AP3S1: variants seen among roughly 807,000 people sequenced by gnomAD.
The protein encoded by AP3S1 is AP-3 complex subunit sigma-1.
In AP3S1, 12 loss-of-function variants were observed where a neutral mutation model predicts 21.3. The observed-to-expected ratio is 0.56, with a 90% CI of 0.36 to 0.91. AP3S1 has a LOEUF of 0.91. Among genes scored for constraint, AP3S1 ranks in the 40% least tolerant of loss-of-function variants. AP3S1 has a pLI of 0.01. For synonymous variants in AP3S1, 48 were observed against 78.4 expected (o/e 0.61, Z 2.05); for missense variants, 116 against 225.0 (o/e 0.52, Z 3.10).
At chr5:115,881,609 A>C (rs532853880) in intron 3 of AP3S1, among the ~76,000 whole-genome samples, 1 of 152,156 alleles carries the variant, frequency 6.6e-6, no homozygotes, top group African/African-American at 2.4e-5. Context: ...GGGTAACCCA[A>C]CCTTTCTCTC....
At chr5:115,849,155 C>A (rs1418873598) in intron 1 of AP3S1, among the ~76,000 whole-genome samples, 2 of 152,134 alleles carry the variant, frequency 1.3e-5, no homozygotes, top group African/African-American at 4.8e-5. Context: ...ATAAGTAAGA[C>A]GGATGTCACC....
chr5:115,873,333 G>A (rs1056614035), intron 3 of AP3S1, among the ~76,000 whole-genome samples: 3 of 152,140 alleles, frequency 2.0e-5, no homozygotes, highest in African/African-American at 7.2e-5. Context: ...TTTTATCCAT[G>A]CTTCACACGT....
At chr5:115,901,589 C>G (rs1419036138) in intron 4 of AP3S1, among the ~76,000 whole-genome samples, 1 of 149,404 alleles carries the variant, frequency 6.7e-6, no homozygotes, top group Non-Finnish European at 1.5e-5. Context: ...GGGTCTCACT[C>G]TGTTGCCCAT....
At chr5:115,845,500 A>G (rs561199385) in intron 1 of AP3S1, among the ~76,000 whole-genome samples, 14 of 152,090 alleles carry the variant, frequency 9.2e-5, no homozygotes, top group Non-Finnish European at 1.8e-4. Context: ...GTTTTGCTAA[A>G]CAGAAGTTTT....
At chr5:115,897,402 G>T (rs1177118499) in intron 4 of AP3S1, among the ~76,000 whole-genome samples, 3 of 152,062 alleles carry the variant, frequency 2.0e-5, no homozygotes, top group Admixed American at 1.3e-4. Flanking sequence ...GATCAAATAA[G>T]TGTTTCCTTT....
At chr5:115,856,360 G>A (rs572402531) in intron 1 of AP3S1, among the ~76,000 whole-genome samples, 41 of 150,686 alleles carry the variant, frequency 2.7e-4, no homozygotes, top group African/African-American at 8.7e-4. Flanking sequence ...TATTTATGGG[G>A]TACAGTGTGA....
At chr5:115,892,269 A>G (rs796614231) in intron 3 of AP3S1, among the ~76,000 whole-genome samples, 4 of 152,332 alleles carry the variant, frequency 2.6e-5, no homozygotes, top group Non-Finnish European at 4.4e-5. Flanking sequence ...TCAAAAAACT[A>G]AAAATAGAGC....
At chr5:115,856,896 A>C (rs1255768937) in intron 1 of AP3S1, among the ~76,000 whole-genome samples, 1 of 152,238 alleles carries the variant, frequency 6.6e-6, no homozygotes, top group Non-Finnish European at 1.5e-5. Flanking sequence ...TCAGTAGATC[A>C]CAAAAACTTA....
chr5:115,855,655 G>A (rs570393336), intron 1 of AP3S1, among the ~76,000 whole-genome samples: 261 of 152,092 alleles, frequency 1.7e-3, no homozygotes, highest in Middle Eastern at 3.4e-3. Context: ...TGAGGAATTC[G>A]GTTTCTTTTT....
At chr5:115,902,630 T>C (rs1034419963) in intron 4 of AP3S1, among the ~76,000 whole-genome samples, 1 of 152,212 alleles carries the variant, frequency 6.6e-6, no homozygotes, top group Admixed American at 6.5e-5. Flanking sequence ...ACCTTGCTTA[T>C]TCCTTTCAAC....
At chr5:115,842,158 G>A (rs1171309461) in intron 1 of AP3S1, 52 bp downstream of exon 1, 13 of 1,519,920 alleles carry the variant, frequency 8.6e-6, no homozygotes, top group East Asian at 2.7e-5. Context: ...TTGGCGACGG[G>A]CAGCGCCCAG....
At chr5:115,893,115 TG>T (rs1474166966) in intron 3 of AP3S1, among the ~76,000 whole-genome samples, 1 of 152,240 alleles carries the variant, frequency 6.6e-6, no homozygotes, top group Non-Finnish European at 1.5e-5. Context: ...TAATCCCTTC[TG>T]GTTCTTGTGT....
At chr5:115,892,879 G>T (rs572200638) in intron 3 of AP3S1, among the ~76,000 whole-genome samples, 1 of 152,326 alleles carries the variant, frequency 6.6e-6, no homozygotes, top group Non-Finnish European at 1.5e-5. Flanking sequence ...TTTCCTTGAA[G>T]TGATTATCAT....
chr5:115,911,214 T>C (rs1484598463), intron 5 of AP3S1, among the ~76,000 whole-genome samples: 2 of 152,084 alleles, frequency 1.3e-5, no homozygotes, highest in African/African-American at 4.8e-5. Context: ...TTTGCTTTAG[T>C]TTAGCTCTTC....
chr5:115,905,533 T>A (rs1355266754), intron 5 of AP3S1, among the ~76,000 whole-genome samples: 1 of 152,216 alleles, frequency 6.6e-6, no homozygotes, highest in Non-Finnish European at 1.5e-5. Flanking sequence ...ACATGTAACG[T>A]CTGCTAATAT....
rs1419945916 is a variant in AP3S1 at position 115,841,947 on chromosome 5, G to A, written c.-91G>A. ...GGTCGCGTGCGGGAGGGGGCGGGTG[G>A]GGAAGGATCGCAGGCGAGATTACGA... On this transcript the variant is annotated 5_prime_UTR_variant, in exon 1 of 6. Coordinates refer to ENST00000316788, the MANE Select transcript of AP3S1 (RefSeq NM_001284.4). 1.2e-5 allele frequency: 18 copies of A among 1,521,892 alleles called. No homozygotes were observed. Among genetic ancestry groups the A allele is most frequent in the Admixed American group, 4.3e-5 (2 of 46,866 alleles). 94.3% of individuals were successfully genotyped at this position (1,521,892 alleles called of 1,614,324 possible).
intron 1 of AP3S1, among the ~76,000 whole-genome samples, chr5:115,842,319 G>C (rs1198926532): frequency 6.6e-6 from 1 of 152,176 alleles, no homozygotes; most frequent in Non-Finnish European, 1.5e-5. Flanking sequence ...GGCTTTGCCC[G>C]GGCGGTTCCT....
Position 115,895,148 on chromosome 5 carries a change from A to T in AP3S1, c.335A>T (p.His112Leu). Residue 112 changes from histidine (H) to leucine (L), a missense_variant, in exon 4 of 6, where the codon CAT becomes CTT. Transcript: ENST00000316788. ...GTCTGTGAGCTGGATTTGATTTTCCATGTAGACAAGGTACTATTTGTATTG... is the reference window on the plus strand; with the variant it reads ...GTCTGTGAGCTGGATTTGATTTTCCTTGTAGACAAGGTACTATTTGTATTG... ...ENVCELDLIF[H>L]VDKVHNILAE... is the part of the protein sequence containing the mutation. 6.2e-7 allele frequency: 1 copy of T among 1,604,224 alleles called. No individual in the cohort carries two copies.
intron 5 of AP3S1, chr5:115,909,103 T>A: frequency 2.3e-6 from 1 of 437,316 alleles, no homozygotes; most frequent in Non-Finnish European, 3.0e-6. Flanking sequence ...AAAAAAAAGA[T>A]ATTTTAAGAT....
Sources: gnomAD v4.1 joint callset for allele counts (sites outside exome capture counted in the v4.1 genomes callset) on GRCh38, gnomAD v4.1.1 for gene constraint, MANE v1.5 for transcripts, NCBI Gene and HGNC (gene_info 2026-07-23, HGNC 2026-07-21) for gene names.